Variants in CCDC148 observed in about 807,000 individuals in gnomAD.
CCDC148 encodes the protein coiled-coil domain-containing protein 148.
CCDC148 carries 89 observed loss-of-function variants against 85.7 expected under a neutral mutation model. The observed-to-expected ratio is 1.04, with a 90% CI of 0.87 to 1.24. CCDC148 has a LOEUF of 1.24. Ranked by LOEUF, CCDC148 falls within the 50% of genes most tolerant of loss-of-function variation. The pLI, the probability that CCDC148 is intolerant of heterozygous loss-of-function variation, is 0.00. For missense variants in CCDC148, 692 were observed against 671.7 expected, an observed-to-expected ratio of 1.03 and a Z score of -0.33; for synonymous variants, 230 against 213.9, an observed-to-expected ratio of 1.08 and a Z score of -0.66.
At chr2:158,278,975 A>C (rs889854297) in intron 9 of CCDC148, among the ~76,000 whole-genome samples, 1 of 152,136 alleles carries the variant, frequency 6.6e-6, no homozygotes, top group Non-Finnish European at 1.5e-5. Flanking sequence ...GCTCACGAAA[A>C]ACCACTGTTC....
intron 1 of CCDC148, among the ~76,000 whole-genome samples, chr2:158,359,488 A>T (rs891079118): frequency 2.0e-5 from 3 of 152,118 alleles, no homozygotes; most frequent in South Asian, 4.1e-4. Context: ...TGCCTGGCTC[A>T]TCTCATTGGG....
intron 7 of CCDC148, chr2:158,338,509 A>C: frequency 2.5e-6 from 1 of 394,328 alleles, no homozygotes; most frequent in Non-Finnish European, 4.4e-6. Context: ...CATTTTCAAC[A>C]TGTCTTAACC....
At chr2:158,413,497 A>T (rs927881397) in intron 1 of CCDC148, among the ~76,000 whole-genome samples, 1 of 152,184 alleles carries the variant, frequency 6.6e-6, no homozygotes, top group Non-Finnish European at 1.5e-5. Flanking sequence ...ATTATCTCAT[A>T]TAAATAAGCC....
At chr2:158,174,954 C>G (rs1684503514) in intron 13 of CCDC148, among the ~76,000 whole-genome samples, 1 of 152,022 alleles carries the variant, frequency 6.6e-6, no homozygotes, top group Admixed American at 6.6e-5. Context: ...CATCTGCATA[C>G]AGATGCCTTA....
intron 1 of CCDC148, among the ~76,000 whole-genome samples, chr2:158,425,799 C>G (rs190841342): frequency 6.6e-6 from 1 of 152,230 alleles, no homozygotes; most frequent in Non-Finnish European, 1.5e-5. Context: ...AAGTTTCCAC[C>G]ACATCTTTGG....
At chr2:158,237,484 C>G (rs1296750990) in intron 10 of CCDC148, among the ~76,000 whole-genome samples, 1 of 152,110 alleles carries the variant, frequency 6.6e-6, no homozygotes, top group African/African-American at 2.4e-5. Context: ...GTACAGCCTT[C>G]TATCCATGCC....
intron 1 of CCDC148, among the ~76,000 whole-genome samples, chr2:158,410,628 T>G (rs1686216461): frequency 6.6e-6 from 1 of 152,226 alleles, no homozygotes; most frequent in Non-Finnish European, 1.5e-5. Context: ...ATCTCTATAC[T>G]TTTATCACCC....
At chr2:158,414,933 G>C (rs1267411584) in intron 1 of CCDC148, among the ~76,000 whole-genome samples, 2 of 152,136 alleles carry the variant, frequency 1.3e-5, no homozygotes, top group African/African-American at 4.8e-5. Context: ...CATTGAGATA[G>C]ACATGAATGT....
chr2:158,369,119 C>G (rs1051608562), intron 1 of CCDC148, among the ~76,000 whole-genome samples: 1 of 151,652 alleles, frequency 6.6e-6, no homozygotes, highest in African/African-American at 2.4e-5. Flanking sequence ...AAAAACAATA[C>G]CAATATGTAG....
In CCDC148 at chr2:158,349,014, T is replaced by C. The variant is rs1574664909; in HGVS notation, c.148-3696A>G. 7.2e-5 allele frequency among the ~76,000 whole-genome samples: 11 copies of C among 152,064 alleles called. No homozygotes were observed. The South Asian group carries it at 2.3e-3, about 31-fold the overall frequency. ...TTTGTCTTCAGGTTCAATCTCAGCCTTTGAAAGACTAGATCACTGACTGTC... is the reference window on the plus strand; with the variant it reads ...TTTGTCTTCAGGTTCAATCTCAGCCCTTGAAAGACTAGATCACTGACTGTC... On this transcript the variant is annotated intron_variant, in intron 2 of 13. Transcript: ENST00000283233.
At chr2:158,413,637 G>A (rs1266933098) in intron 1 of CCDC148, among the ~76,000 whole-genome samples, 2 of 151,406 alleles carry the variant, frequency 1.3e-5, no homozygotes, top group Non-Finnish European at 2.9e-5. Flanking sequence ...TAAATCAGGG[G>A]TTTGCAAACT....
In CCDC148 at chr2:158,301,984, C is replaced by A. The variant is rs1017153160; in HGVS notation, c.1110+7449G>T. Reference sequence around the variant, plus strand: ...ACAAGAGAAGGCTTCTTTGGATAGTCTTTTGACTTAGTCATGTTTATAGGC... The same window carrying A: ...ACAAGAGAAGGCTTCTTTGGATAGTATTTTGACTTAGTCATGTTTATAGGC... On this transcript the variant is annotated intron_variant, in intron 9 of 13. Coordinates refer to ENST00000283233, the MANE Select transcript of CCDC148 (RefSeq NM_138803.4). Among the ~76,000 whole-genome samples, 7 of 152,194 alleles carry A rather than the reference C, an allele frequency of 4.6e-5. No individual in the cohort carries two copies. The East Asian group carries it at 1.3e-3, about 29-fold the overall frequency.
intron 13 of CCDC148, among the ~76,000 whole-genome samples, chr2:158,173,662 G>A (rs562549034): frequency 1.3e-5 from 2 of 152,058 alleles, no homozygotes; most frequent in African/African-American, 4.8e-5. Flanking sequence ...CAGGGCTTGG[G>A]GCAACGATGA....
At chr2:158,356,696 G>A (rs1313481177) in intron 2 of CCDC148, among the ~76,000 whole-genome samples, 17 of 145,870 alleles carry the variant, frequency 1.2e-4, no homozygotes, top group Admixed American at 2.8e-4. Context: ...ATCTAGAACT[G>A]GAAATACCAT....
chr2:158,401,353 T>C (rs1010687395), intron 1 of CCDC148, among the ~76,000 whole-genome samples: 26 of 152,124 alleles, frequency 1.7e-4, no homozygotes, highest in African/African-American at 6.3e-4. Flanking sequence ...ATATACACCA[T>C]GGAATACTAT....
Position 158,260,557 on chromosome 2 carries a change from A to T in CCDC148, c.1111-9645T>A, listed in dbSNP as rs143589306. Among the ~76,000 whole-genome samples, 15 of 152,206 alleles carry T rather than the reference A, an allele frequency of 9.9e-5. No homozygotes were observed. The East Asian group carries it at 2.9e-3, about 29-fold the overall frequency. On this transcript the variant is annotated intron_variant, in intron 9 of 13. Transcript: ENST00000283233. ...AAATAAAGGGCATCCAAATAGAAAG[A>T]GAGGAAGTCGAATTACCCCTGCTTG... is the stretch of plus-strand genomic sequence containing the variant.
chr2:158,257,145 A>G (rs956093286), intron 9 of CCDC148, among the ~76,000 whole-genome samples: 1 of 151,408 alleles, frequency 6.6e-6, no homozygotes, highest in African/African-American at 2.4e-5. Context: ...GAGACTCCTG[A>G]TCCCTGCTTT....
intron 7 of CCDC148, among the ~76,000 whole-genome samples, chr2:158,328,862 T>C (rs997656115): frequency 3.3e-5 from 5 of 152,226 alleles, no homozygotes; most frequent in African/African-American, 1.2e-4. Context: ...GATGGGGTTG[T>C]TTGTTTTTTT....
chr2:158,179,007 A>G lies in CCDC148; in HGVS notation c.1371-11T>C. The G allele has an allele frequency of 1.3e-6, 2 of 1,589,982 alleles. No homozygotes were observed. The highest frequency in any genetic ancestry group is 1.7e-6 in the Non-Finnish European group (2 of 1,159,510). On this transcript the variant is annotated splice_polypyrimidine_tract_variant and intron_variant, in intron 11 of 13. Coordinates refer to ENST00000283233, the MANE Select transcript of CCDC148 (RefSeq NM_138803.4). ...TGTCTATATTTAACCCTTTAAAAATAACACAGAAGGAAGTTGTGGAAGCAT... is the reference window on the plus strand; with the variant it reads ...TGTCTATATTTAACCCTTTAAAAATGACACAGAAGGAAGTTGTGGAAGCAT...
Sources: gnomAD v4.1 joint callset for allele counts (sites outside exome capture counted in the v4.1 genomes callset) on GRCh38, gnomAD v4.1.1 for gene constraint, MANE v1.5 for transcripts, NCBI Gene and HGNC (gene_info 2026-07-23, HGNC 2026-07-21) for gene names.